GRID1: variants seen among roughly 807,000 people sequenced by gnomAD.
GRID1 encodes glutamate receptor ionotropic, delta-1.
GRID1 carries 28 observed loss-of-function variants against 98.0 expected under a neutral mutation model. That is an observed-to-expected ratio of 0.29 (90% CI 0.21 to 0.39). GRID1 has a LOEUF of 0.39. GRID1 is among the 10% of genes least tolerant of loss of function. The probability of loss-of-function intolerance (pLI) is 1.00; values close to 1 mark genes in which losing one functional copy is unlikely to be tolerated. For missense variants in GRID1, 1,111 were observed against 1,340.5 expected, an observed-to-expected ratio of 0.83 and a Z score of 2.67; for synonymous variants, 553 against 538.5, an observed-to-expected ratio of 1.03 and a Z score of -0.37.
intron 8 of GRID1, among the ~76,000 whole-genome samples, chr10:85,848,373 G>C (rs754135176): frequency 1.3e-5 from 2 of 151,914 alleles, no homozygotes; most frequent in Non-Finnish European, 2.9e-5. Flanking sequence ...ATAATAATGT[G>C]GTGAAAATAC....
At chr10:85,753,933 C>G (rs1356823607) in intron 8 of GRID1, among the ~76,000 whole-genome samples, 3 of 152,200 alleles carry the variant, frequency 2.0e-5, no homozygotes, top group Non-Finnish European at 4.4e-5. Context: ...ACAAGGTCAT[C>G]AGGCAATCAT....
At chr10:85,800,907 C>A (rs1842569789) in intron 8 of GRID1, among the ~76,000 whole-genome samples, 1 of 151,904 alleles carries the variant, frequency 6.6e-6, no homozygotes, top group Admixed American at 6.6e-5. Flanking sequence ...GAGCCAGAAT[C>A]TGGCTACAGA....
intron 5 of GRID1, among the ~76,000 whole-genome samples, chr10:85,902,586 T>C (rs1036052098): frequency 2.6e-5 from 4 of 152,214 alleles, no homozygotes; most frequent in East Asian, 1.9e-4. Flanking sequence ...CCATAACTTA[T>C]TCAGCATTCA....
intron 2 of GRID1, among the ~76,000 whole-genome samples, chr10:86,346,423 C>T (rs1017360141): frequency 6.6e-6 from 1 of 152,224 alleles, no homozygotes; most frequent in Admixed American, 6.5e-5. Context: ...TGGAGGGCAG[C>T]TGGGTGGGGC....
intron 3 of GRID1, among the ~76,000 whole-genome samples, chr10:86,162,134 T>C (rs889923089): frequency 5.3e-5 from 8 of 152,144 alleles, no homozygotes; most frequent in South Asian, 4.1e-4. Flanking sequence ...CAAATGAATA[T>C]GTATAAATGT....
chr10:85,643,439 G>A (rs1434367172), intron 13 of GRID1, among the ~76,000 whole-genome samples: 1 of 152,168 alleles, frequency 6.6e-6, no homozygotes, highest in East Asian at 1.9e-4. Flanking sequence ...AGACTGGTCT[G>A]CTCTCTGGGC....
intron 2 of GRID1, among the ~76,000 whole-genome samples, chr10:86,338,602 G>A (rs1271297050): frequency 1.3e-5 from 2 of 152,182 alleles, no homozygotes; most frequent in Non-Finnish European, 2.9e-5. Context: ...CTATCCCCCA[G>A]GCTGGAGTTC....
intron 4 of GRID1, among the ~76,000 whole-genome samples, chr10:85,948,919 T>C (rs143002798): frequency 1.0e-3 from 159 of 152,366 alleles, no homozygotes; most frequent in African/African-American, 3.7e-3. Context: ...TCTGAATTGA[T>C]GTTTTTATTA....
chr10:86,315,778 A>G (rs1847891392), intron 2 of GRID1, among the ~76,000 whole-genome samples: 2 of 151,702 alleles, frequency 1.3e-5, no homozygotes, highest in African/African-American at 4.8e-5. Flanking sequence ...CTCACACTCT[A>G]TCAACCCAAC....
At chr10:85,637,384 G>A (rs1843058223) in intron 13 of GRID1, among the ~76,000 whole-genome samples, 1 of 152,156 alleles carries the variant, frequency 6.6e-6, no homozygotes, top group Non-Finnish European at 1.5e-5. Flanking sequence ...GAGTGGATCT[G>A]CCGTTGGGTG....
At position 86,206,022 on chromosome 10, in the gene GRID1, G is replaced by A. The variant is rs940580338; in HGVS notation, c.520+342C>T. On this transcript the variant is annotated intron_variant, in intron 3 of 15. Coordinates refer to ENST00000327946, the MANE Select transcript of GRID1 (RefSeq NM_017551.3). The surrounding 1 kb of genome is among the most constrained non-coding windows in gnomAD (Gnocchi z 4.1). ...TGTGAAGGGCACTCTTTGGAGAGGA[G>A]ACCTCCAGGAGGAACCATGCTTTCC... Among the ~76,000 whole-genome samples, 3 of 152,180 alleles carry A rather than the reference G, an allele frequency of 2.0e-5. No homozygotes were observed. Among genetic ancestry groups the A allele is most frequent in the Admixed American group, 2.0e-4 (3 of 15,278 alleles).
At chr10:86,251,419 T>C (rs1321761766) in intron 2 of GRID1, among the ~76,000 whole-genome samples, 1 of 151,998 alleles carries the variant, frequency 6.6e-6, no homozygotes, top group Non-Finnish European at 1.5e-5. Flanking sequence ...TTATGCCAAA[T>C]TACTGACAGC....
intron 6 of GRID1, among the ~76,000 whole-genome samples, chr10:85,857,038 C>A (rs1590267838): frequency 6.6e-6 from 1 of 152,194 alleles, no homozygotes; most frequent in African/African-American, 2.4e-5. Flanking sequence ...AAAGACCACT[C>A]TGGTCGCCGG....
chr10:85,895,015 AAATATAT>A (rs1258481307), intron 5 of GRID1, among the ~76,000 whole-genome samples: 9 of 122,848 alleles, frequency 7.3e-5, no homozygotes, highest in African/African-American at 2.8e-4. Flanking sequence ...AAAAAAAAAA[AAATATAT>A]ATATATATAT....
At chr10:85,733,947 A>G (rs981419625) in intron 8 of GRID1, among the ~76,000 whole-genome samples, 2 of 152,154 alleles carry the variant, frequency 1.3e-5, no homozygotes, top group Non-Finnish European at 2.9e-5. Flanking sequence ...GATTTTCACT[A>G]ATAGGAAGTA....
At chr10:86,277,538 A>G (rs1240141251) in intron 2 of GRID1, among the ~76,000 whole-genome samples, 1 of 152,232 alleles carries the variant, frequency 6.6e-6, no homozygotes, top group Non-Finnish European at 1.5e-5. Context: ...ATTGACAAAG[A>G]TGTGATTTGT....
intron 4 of GRID1, among the ~76,000 whole-genome samples, chr10:86,113,186 A>G (rs1239184117): frequency 6.6e-6 from 1 of 152,184 alleles, no homozygotes; most frequent in Non-Finnish European, 1.5e-5. Context: ...GGGTCATGTC[A>G]TTGCCCTATA....
chr10:86,250,437 A>T (rs1290154631), intron 2 of GRID1, among the ~76,000 whole-genome samples: 1 of 152,250 alleles, frequency 6.6e-6, no homozygotes, highest in Non-Finnish European at 1.5e-5. Flanking sequence ...CAGTGTATTC[A>T]TCAGCCAAGA....
chr10:86,080,088 C>G (rs1252619890), intron 4 of GRID1, among the ~76,000 whole-genome samples: 1 of 152,056 alleles, frequency 6.6e-6, no homozygotes, highest in Non-Finnish European at 1.5e-5. Context: ...AATCCCAGCA[C>G]TTTGGGAGGC....
Sources: allele counts gnomAD v4.1 joint callset (sites outside exome capture counted in the v4.1 genomes callset), GRCh38; gene constraint gnomAD v4.1.1; non-coding constraint Gnocchi (gnomAD v3.1); transcripts MANE v1.5; gene names NCBI Gene and HGNC (gene_info 2026-07-23, HGNC 2026-07-21).